ALDOB: variants seen among roughly 807,000 people sequenced by gnomAD.
The protein encoded by ALDOB is fructose-bisphosphate aldolase B.
In ALDOB, 39 loss-of-function variants were observed where a neutral mutation model predicts 41.0. The observed-to-expected ratio is 0.95, with a 90% CI of 0.74 to 1.24. ALDOB has a LOEUF of 1.24. Ranked by LOEUF, ALDOB falls within the 50% of genes most tolerant of loss-of-function variation. ALDOB has a pLI of 0.00. For missense variants in ALDOB, 530 were observed against 457.3 expected, an observed-to-expected ratio of 1.16 and a Z score of -1.45; for synonymous variants, 175 against 168.8, an observed-to-expected ratio of 1.04 and a Z score of -0.28.
In ALDOB at chr9:101,430,692, A is replaced by T. The variant is rs569465000; in HGVS notation, c.112+84T>A. ...CGTGTACATAAACCTTTACTTCCAT[A>T]AAGAATATGATTATCAAGTTGTTTT... On this transcript the variant is annotated intron_variant, in intron 2 of 8. Coordinates refer to ENST00000647789, the MANE Select transcript of ALDOB (RefSeq NM_000035.4). 2.8e-6 allele frequency: 3 copies of T among 1,067,164 alleles called. No individual in the cohort carries two copies. The African/African-American group carries it at 4.7e-5, about 17-fold the overall frequency. The allele number at this position is 1,067,164 out of a possible 1,614,324, so 66.1% of individuals were successfully genotyped here. A position where few individuals can be genotyped will look rare whatever the true frequency, so the allele number is the denominator to read the frequency against.
chr9:101,432,768 A>C (rs1588173409), intron 1 of ALDOB, among the ~76,000 whole-genome samples: 1 of 152,226 alleles, frequency 6.6e-6, no homozygotes, highest in African/African-American at 2.4e-5. Flanking sequence ...TAAGGCATCA[A>C]GTTGAGATAA....
chr9:101,425,149 G>T, intron 7 of ALDOB, 107 bp from the exon 8 acceptor site: 2 of 1,324,358 alleles, frequency 1.5e-6, no homozygotes, highest in Non-Finnish European at 2.1e-6. Flanking sequence ...TCTTTTCTCT[G>T]CTTAATTTGC....
At chr9:101,422,641 G>T (rs1831065210) in intron 8 of ALDOB, among the ~76,000 whole-genome samples, 1 of 152,108 alleles carries the variant, frequency 6.6e-6, no homozygotes, top group Non-Finnish European at 1.5e-5. Flanking sequence ...AAAAGAGGTT[G>T]GTAATGGGTA....
rs2118342839 is a variant in ALDOB, at chr9:101,424,991, A to G, written c.851T>C (p.Leu284Pro). 2 of 1,614,202 alleles carry G rather than the reference A, an allele frequency of 1.2e-6. No homozygotes were observed. Among genetic ancestry groups the G allele is most frequent in the Non-Finnish European group, 1.7e-6 (2 of 1,180,038 alleles). Reference protein sequence around the residue: ...GMSEEDATLNLNAINLCPLPK... With the variant: ...GMSEEDATLNPNAINLCPLPK... ...TAGAGGGCAAAGGTTGATAGCATTGAGGTTGAGAGTGGCATCCTCTTCACT... is the reference window on the plus strand; with the variant it reads ...TAGAGGGCAAAGGTTGATAGCATTGGGGTTGAGAGTGGCATCCTCTTCACT... Residue 284 changes from leucine to proline, a missense_variant, in exon 8 of 9, where the codon CTC (leucine) becomes CCC (proline). Physicochemically the swap from Leu to Pro is moderately conservative, Grantham distance 98 (BLOSUM62 -3). Coordinates refer to ENST00000647789, the MANE Select transcript of ALDOB (RefSeq NM_000035.4).
rs536633217 is a variant in ALDOB, at chr9:101,435,692, G to A, written c.-11+17C>T. On this transcript the variant is annotated intron_variant, in intron 1 of 8. Transcript: ENST00000647789. ...ACTGGTGCTGTCCAGGTATACAAAGGAAGCTTTTTTACTTACAGTTTGGGA... is the reference window on the plus strand; with the variant it reads ...ACTGGTGCTGTCCAGGTATACAAAGAAAGCTTTTTTACTTACAGTTTGGGA... The A allele has an allele frequency of 6.6e-6, 1 of 152,202 alleles. No homozygotes were observed. Among genetic ancestry groups the A allele is most frequent in the East Asian group, 1.9e-4 (1 of 5,164 alleles). The allele number at this position is 152,202 out of a possible 1,614,324, so 9.4% of individuals were successfully genotyped here.
intron 2 of ALDOB, 35 bp from the exon 3 acceptor site, chr9:101,430,001 A>G: frequency 1.3e-6 from 2 of 1,580,294 alleles, no homozygotes; most frequent in South Asian, 1.1e-5. Flanking sequence ...CATAAGGAGC[A>G]AGCCAGGGCT....
At chr9:101,423,562 A>G (rs962586366) in intron 8 of ALDOB, among the ~76,000 whole-genome samples, 1 of 152,196 alleles carries the variant, frequency 6.6e-6, no homozygotes, top group African/African-American at 2.4e-5. Flanking sequence ...TTCTCAGCAG[A>G]TACCCTCAAC....
At chr9:101,433,399 C>T (rs955159672) in intron 1 of ALDOB, among the ~76,000 whole-genome samples, 4 of 152,150 alleles carry the variant, frequency 2.6e-5, no homozygotes, top group East Asian at 1.9e-4. Context: ...GTCTGTACCA[C>T]GTTAGCACAA....
intron 5 of ALDOB, among the ~76,000 whole-genome samples, chr9:101,427,224 C>T (rs1202965558): frequency 1.3e-5 from 2 of 152,174 alleles, no homozygotes; most frequent in African/African-American, 4.8e-5. Flanking sequence ...ACTTATAAGA[C>T]AGCTTATGGA....
At chr9:101,433,630 GTCC>G (rs941874834) in intron 1 of ALDOB, among the ~76,000 whole-genome samples, 10 of 152,110 alleles carry the variant, frequency 6.6e-5, no homozygotes, top group African/African-American at 2.4e-4. Flanking sequence ...AATATATACT[GTCC>G]TCCTATTTTT....
chr9:101,432,026 G>T (rs1831227207), intron 1 of ALDOB, among the ~76,000 whole-genome samples: 1 of 152,150 alleles, frequency 6.6e-6, no homozygotes, highest in Non-Finnish European at 1.5e-5. Context: ...TAACTGACTT[G>T]TTCAAGGTCC....
chr9:101,429,641 G>A, intron 3 of ALDOB, 114 bp downstream of exon 3: 1 of 1,019,856 alleles, frequency 9.8e-7, no homozygotes, highest in South Asian at 1.3e-5. Flanking sequence ...ATGGAAAAGG[G>A]TGAGAAGAGA....
intron 1 of ALDOB, 82 bp from the exon 2 acceptor site, chr9:101,430,979 A>T (rs1831212490): frequency 1.0e-6 from 1 of 953,194 alleles, no homozygotes; most frequent in East Asian, 2.5e-5. Flanking sequence ...GGGGGTGCAG[A>T]CATGCTGTGC....
At chr9:101,424,798 C>T (rs762846866) in intron 8 of ALDOB, 45 bp downstream of exon 8, 2 of 1,606,986 alleles carry the variant, frequency 1.2e-6, no homozygotes, top group Non-Finnish European at 1.7e-6. Context: ...AGTCAAGCCC[C>T]AAATGTGAAC....
At position 101,421,551 on chromosome 9, in the gene ALDOB, TG is replaced by T. The variant is rs1005924855; in HGVS notation, c.*257del. On this transcript the variant is annotated 3_prime_UTR_variant, in exon 9 of 9. Coordinates refer to ENST00000647789, the MANE Select transcript of ALDOB (RefSeq NM_000035.4). ...ATTGTTTTAAAGCCTATTATTTTCT[TG>T]GGTGGGTATTCTGGAGCATGGGGAG... 6 of 528,864 alleles carry T rather than the reference TG, an allele frequency of 1.1e-5. No individual in the cohort carries two copies. The African/African-American group carries it at 1.1e-4, about 10-fold the overall frequency. 32.8% of individuals were successfully genotyped at this position (528,864 alleles called of 1,614,324 possible).
chr9:101,423,455 G>A (rs1831079812), intron 8 of ALDOB, among the ~76,000 whole-genome samples: 1 of 152,176 alleles, frequency 6.6e-6, no homozygotes, highest in Non-Finnish European at 1.5e-5. Context: ...GCTTGGCTAT[G>A]TCTGGCCATA....
chr9:101,434,620 C>T (rs1367344051), intron 1 of ALDOB, among the ~76,000 whole-genome samples: 1 of 152,194 alleles, frequency 6.6e-6, no homozygotes, highest in Non-Finnish European at 1.5e-5. Context: ...CTTCATTATC[C>T]ACCCCAATGT....
In ALDOB at chr9:101,425,029, C is replaced by T. The variant is rs1168325070; in HGVS notation, c.813G>A (p.Leu271=). Residue 271 remains leucine (L), a synonymous_variant, in exon 8 of 9, where the codon TTG becomes TTA. Coordinates refer to ENST00000647789, the MANE Select transcript of ALDOB (RefSeq NM_000035.4). ...CATCCTCTTCACTCATGCCACCAGA[C>T]AAAAAGCAGATGCCTGGTAGGAGAG... ...VPAAVPGICF[L]SGGMSEEDAT... 3 of 1,614,070 alleles carry T rather than the reference C, an allele frequency of 1.9e-6. No homozygotes were observed. The highest frequency in any genetic ancestry group is 2.5e-6 in the Non-Finnish European group (3 of 1,180,044).
intron 8 of ALDOB, 137 bp from the exon 9 acceptor site, chr9:101,422,041 T>G (rs910112539): frequency 2.0e-5 from 15 of 741,164 alleles, no homozygotes; most frequent in Non-Finnish European, 3.1e-5. Context: ...TGAATATTGC[T>G]GGGGATACCA....
Sources: gnomAD v4.1 joint callset for allele counts (sites outside exome capture counted in the v4.1 genomes callset) on GRCh38, gnomAD v4.1.1 for gene constraint, MANE v1.5 for transcripts, NCBI Gene and HGNC (gene_info 2026-07-23, HGNC 2026-07-21) for gene names.